The following NELL1 variants were observed in gnomAD, a reference collection of about 807,000 sequenced individuals.
The protein encoded by NELL1 is neural EGFL like 1.
NELL1 carries 76 observed loss-of-function variants against 107.4 expected under a neutral mutation model. The observed-to-expected ratio is 0.71, with a 90% CI of 0.59 to 0.86. The LOEUF (loss-of-function observed/expected upper bound fraction) is 0.86, where lower values mean the gene tolerates loss of function less well. NELL1 is among the 40% of genes least tolerant of loss of function. The pLI is 0.00. For synonymous variants in NELL1, 353 were observed against 341.2 expected (o/e 1.03, Z -0.38); for missense variants, 1,024 against 1,005.5 (o/e 1.02, Z -0.25).
At chr11:20,708,255 T>A (rs578020383) in intron 2 of NELL1, among the ~76,000 whole-genome samples, 1 of 152,342 alleles carries the variant, frequency 6.6e-6, no homozygotes, top group Non-Finnish European at 1.5e-5. Context: ...TGGCTTCCCT[T>A]GGCTAGGAAA....
In NELL1 at chr11:20,783,669, T is replaced by C. The variant is rs776941740; in HGVS notation, c.185-11T>C. 6.2e-7 allele frequency: 1 copy of C among 1,608,972 alleles called. No individual in the cohort carries two copies. Among genetic ancestry groups the C allele is most frequent in the East Asian group, 2.2e-5 (1 of 44,786 alleles). On this transcript the variant is annotated splice_polypyrimidine_tract_variant and intron_variant, in intron 2 of 19. Coordinates refer to ENST00000357134, the MANE Select transcript of NELL1 (RefSeq NM_006157.5). Reference sequence around the variant, plus strand: ...CTCCTGTTTCCTCCTGCTTTTCTTCTTGATTCCTAGACATAGAAAGAGAGA... The same window carrying C: ...CTCCTGTTTCCTCCTGCTTTTCTTCCTGATTCCTAGACATAGAAAGAGAGA...
At chr11:20,678,125 T>C (rs1854107230) in intron 2 of NELL1, 65 bp downstream of exon 2, 2 of 1,573,866 alleles carry the variant, frequency 1.3e-6, no homozygotes, top group Non-Finnish European at 8.7e-7. Context: ...TGGGGAGTGC[T>C]CATTTGTTGT....
chr11:20,946,849 G>A (rs1850972328), intron 10 of NELL1, among the ~76,000 whole-genome samples: 2 of 152,190 alleles, frequency 1.3e-5, no homozygotes, highest in Admixed American at 1.3e-4. Context: ...GAGCAAGGAA[G>A]ATTTGCTGTC....
intron 12 of NELL1, among the ~76,000 whole-genome samples, chr11:21,094,668 G>A (rs1449772760): frequency 2.6e-5 from 4 of 152,174 alleles, no homozygotes; most frequent in Non-Finnish European, 5.9e-5. Context: ...AGCTGTCAAG[G>A]CTTGGAGCTT....
chr11:21,384,225 C>A (rs1851680932), intron 15 of NELL1, among the ~76,000 whole-genome samples: 1 of 151,864 alleles, frequency 6.6e-6, no homozygotes, highest in South Asian at 2.1e-4. Flanking sequence ...TTATTGAAAC[C>A]TAAGTTATAT....
chr11:21,035,034 A>G (rs553952323), intron 12 of NELL1, among the ~76,000 whole-genome samples: 13 of 152,228 alleles, frequency 8.5e-5, no homozygotes, highest in African/African-American at 2.9e-4. Flanking sequence ...AATAAACACA[A>G]TCAGAAGTAA....
At chr11:21,416,600 C>A (rs1852525841) in intron 15 of NELL1, among the ~76,000 whole-genome samples, 3 of 152,114 alleles carry the variant, frequency 2.0e-5, no homozygotes, top group Non-Finnish European at 4.4e-5. Flanking sequence ...ACTACTTCCT[C>A]TTTACTTTTA....
intron 1 of NELL1, among the ~76,000 whole-genome samples, chr11:20,673,081 C>T (rs921081788): frequency 1.3e-5 from 2 of 149,844 alleles, no homozygotes; most frequent in South Asian, 2.1e-4. Context: ...AGGCTGGTCT[C>T]GAACTCCTGA....
intron 13 of NELL1, among the ~76,000 whole-genome samples, chr11:21,121,413 G>T (rs1855365292): frequency 6.6e-6 from 1 of 152,112 alleles, no homozygotes; most frequent in South Asian, 2.1e-4. Flanking sequence ...TATAGATGGG[G>T]CCTCATGGGA....
At chr11:21,000,447 C>G (rs1852191739) in intron 12 of NELL1, among the ~76,000 whole-genome samples, 1 of 152,112 alleles carries the variant, frequency 6.6e-6, no homozygotes, top group Admixed American at 6.6e-5. Flanking sequence ...GATCTTTACC[C>G]AGAATCCTCT....
chr11:20,801,109 G>T (rs192717740), intron 3 of NELL1, among the ~76,000 whole-genome samples: 1 of 152,218 alleles, frequency 6.6e-6, no homozygotes, highest in East Asian at 1.9e-4. Flanking sequence ...ATCACCATAA[G>T]GTCATGTGTC....
At chr11:21,200,840 G>T (rs1857253795) in intron 13 of NELL1, among the ~76,000 whole-genome samples, 1 of 152,126 alleles carries the variant, frequency 6.6e-6, no homozygotes, top group Admixed American at 6.5e-5. Context: ...TCCAGTTTTA[G>T]TTTTCTACAT....
At chr11:20,731,261 C>T (rs1855632993) in intron 2 of NELL1, among the ~76,000 whole-genome samples, 1 of 152,200 alleles carries the variant, frequency 6.6e-6, no homozygotes, top group Non-Finnish European at 1.5e-5. Flanking sequence ...AGCTGCAAGG[C>T]TTTAGTGGGC....
At chr11:21,341,803 C>G (rs1425462147) in intron 14 of NELL1, among the ~76,000 whole-genome samples, 1 of 152,134 alleles carries the variant, frequency 6.6e-6, no homozygotes, top group African/African-American at 2.4e-5. Context: ...AAATTTAGAG[C>G]CTTAGAGCTT....
chr11:21,439,899 A>C (rs1853234222), intron 15 of NELL1, among the ~76,000 whole-genome samples: 1 of 152,252 alleles, frequency 6.6e-6, no homozygotes, highest in Admixed American at 6.5e-5. Context: ...CTGCCTCACT[A>C]TCTACCAACT....
At chr11:20,687,097 G>C (rs2133860954) in intron 2 of NELL1, among the ~76,000 whole-genome samples, 1 of 146,616 alleles carries the variant, frequency 6.8e-6, no homozygotes, top group East Asian at 2.0e-4. Context: ...TAGTATGAGT[G>C]ACTTCATTTT....
chr11:21,238,213 C>A (rs931381312), intron 14 of NELL1, among the ~76,000 whole-genome samples: 1 of 152,022 alleles, frequency 6.6e-6, no homozygotes, highest in Non-Finnish European at 1.5e-5. Context: ...GATTTGTCAT[C>A]AACACATCAA....
chr11:20,961,604 A>G (rs1851292233), intron 12 of NELL1, among the ~76,000 whole-genome samples: 1 of 152,104 alleles, frequency 6.6e-6, no homozygotes, highest in Admixed American at 6.5e-5. Flanking sequence ...AATTCTTTCT[A>G]TTCTCTATCT....
intron 14 of NELL1, among the ~76,000 whole-genome samples, chr11:21,258,282 T>G (rs2133919073): frequency 6.6e-6 from 1 of 152,154 alleles, no homozygotes; most frequent in Middle Eastern, 3.4e-3. Flanking sequence ...CTATGGATGG[T>G]GTTTGCTGAA....
Sources: gnomAD v4.1 joint callset for allele counts (sites outside exome capture counted in the v4.1 genomes callset) on GRCh38, gnomAD v4.1.1 for gene constraint, MANE v1.5 for transcripts, NCBI Gene and HGNC (gene_info 2026-07-23, HGNC 2026-07-21) for gene names.